CBLN2: variants seen among roughly 807,000 people sequenced by gnomAD.
CBLN2 encodes the protein cerebellin 2 precursor, also known as cerebellin-2.
CBLN2 carries 7 observed loss-of-function variants against 15.0 expected under a neutral mutation model. That is an observed-to-expected ratio of 0.47 (90% confidence interval 0.27 to 0.88). The LOEUF is 0.88. Ranked by LOEUF, CBLN2 falls within the 40% of genes least tolerant of loss-of-function variation. The pLI is 0.14. For synonymous variants in CBLN2, 149 were observed against 135.2 expected, an observed-to-expected ratio of 1.10 and a Z score of -0.71; for missense variants, 242 against 304.5, an observed-to-expected ratio of 0.79 and a Z score of 1.53.
chr18:72,561,622 G>T (rs2069262186), intron 1 of CBLN2, among the ~76,000 whole-genome samples: 1 of 152,138 alleles, frequency 6.6e-6, no homozygotes, highest in Non-Finnish European at 1.5e-5. Flanking sequence ...TTTGCAATTG[G>T]CAAGCTTCAG....
chr18:72,595,040 C>G (rs146958532), intron 1 of CBLN2, among the ~76,000 whole-genome samples: 92 of 150,060 alleles, frequency 6.1e-4, no homozygotes, highest in Non-Finnish European at 3.9e-4. Flanking sequence ...GATTTCTGCT[C>G]TGATCTTTAT....
intron 1 of CBLN2, among the ~76,000 whole-genome samples, chr18:72,615,042 TATATATATATATATAA>T (rs1260649066): frequency 2.2e-5 from 3 of 138,516 alleles, no homozygotes; most frequent in East Asian, 4.0e-4. Context: ...AGTACATATA[TATATATATATATATAA>T]ATATATATAT....
At chr18:72,631,074 T>C (rs973128311) in intron 1 of CBLN2, 12 of 152,184 alleles carry the variant, frequency 7.9e-5, no homozygotes, top group Admixed American at 7.2e-4. Flanking sequence ...CACTTTGCTG[T>C]GGAGGACCTC....
intron 1 of CBLN2, among the ~76,000 whole-genome samples, chr18:72,579,479 TC>T (rs1215768614): frequency 1.3e-5 from 2 of 152,152 alleles, no homozygotes; most frequent in Non-Finnish European, 2.9e-5. Context: ...ACGCCTGTAA[TC>T]CCAGCACTTT....
At chr18:72,586,671 C>A (rs1342482527) in intron 1 of CBLN2, among the ~76,000 whole-genome samples, 5 of 152,152 alleles carry the variant, frequency 3.3e-5, no homozygotes, top group Non-Finnish European at 7.3e-5. Context: ...TTTGTACTCA[C>A]ACAGTACGTT....
intron 1 of CBLN2, among the ~76,000 whole-genome samples, chr18:72,613,604 G>A (rs967850463): frequency 6.6e-6 from 1 of 152,120 alleles, no homozygotes; most frequent in African/African-American, 2.4e-5. Flanking sequence ...GAACAATGCT[G>A]GGGTCAGAAG....
chr18:72,622,375 T>C (rs1011136781), intron 1 of CBLN2, among the ~76,000 whole-genome samples: 3 of 151,756 alleles, frequency 2.0e-5, no homozygotes, highest in Non-Finnish European at 2.9e-5. Flanking sequence ...TAAGCTAAGG[T>C]TGACTTTCTG....
intron 1 of CBLN2, among the ~76,000 whole-genome samples, chr18:72,578,277 T>G (rs1392393890): frequency 1.3e-5 from 2 of 152,090 alleles, no homozygotes; most frequent in Admixed American, 6.5e-5. Context: ...AGTGATCAAT[T>G]TACTGTTTAA....
chr18:72,539,789 A>T (rs943314628), intron 3 of CBLN2: 2 of 152,144 alleles, frequency 1.3e-5, no homozygotes, highest in Non-Finnish European at 2.9e-5. Context: ...ATAAATGCAC[A>T]ACTGCTTTAT....
chr18:72,567,480 T>C (rs944058719), intron 1 of CBLN2, among the ~76,000 whole-genome samples: 2 of 152,134 alleles, frequency 1.3e-5, no homozygotes, highest in African/African-American at 4.8e-5. Flanking sequence ...TTATCTGAGT[T>C]TTCTCTCTCA....
At chr18:72,619,164 C>G in intron 1 of CBLN2, 2 of 763,632 alleles carry the variant, frequency 2.6e-6, no homozygotes, top group Admixed American at 3.5e-5. Flanking sequence ...ACCACAAAAC[C>G]AAGGTGGCTG....
At chr18:72,565,401 A>G (rs944030949) in intron 1 of CBLN2, among the ~76,000 whole-genome samples, 4 of 152,154 alleles carry the variant, frequency 2.6e-5, no homozygotes, top group Admixed American at 2.6e-4. Context: ...TAAAAATCAG[A>G]TTTCTAGTAT....
In CBLN2 at chr18:72,541,920, A is replaced by G; in HGVS notation, c.241T>C (p.Ser81Pro). 6.2e-7 allele frequency: 1 copy of G among 1,608,488 alleles called. No homozygotes were observed. Among genetic ancestry groups the G allele is most frequent in the Non-Finnish European group, 8.5e-7 (1 of 1,179,474 alleles). Residue 81 changes from serine (S) to proline (P), a missense_variant, in exon 3 of 5, where the codon TCC (serine) becomes CCC (proline). Physicochemically the swap from Ser to Pro is moderately conservative, Grantham distance 74. Transcript: ENST00000269503. ...SPSADGAVTS[S>P]LGISVRSGSA... ...CCGGAGCGCACGGAGATGCCTAGGG[A>G]GGAGGTGACGGCGCCGTCCGCCGAC... is the stretch of plus-strand genomic sequence containing the variant.
At chr18:72,597,880 G>A (rs2069523354) in intron 1 of CBLN2, among the ~76,000 whole-genome samples, 1 of 152,200 alleles carries the variant, frequency 6.6e-6, no homozygotes, top group African/African-American at 2.4e-5. Flanking sequence ...CAAGGCAGAA[G>A]GGCTCTTTAG....
At chr18:72,568,559 T>TA (rs1364877947) in intron 1 of CBLN2, among the ~76,000 whole-genome samples, 1 of 151,436 alleles carries the variant, frequency 6.6e-6, no homozygotes, top group Non-Finnish European at 1.5e-5. Flanking sequence ...TTACATAAAC[T>TA]AAAAAAACTA....
At chr18:72,621,901 CT>C (rs1375119847) in intron 1 of CBLN2, among the ~76,000 whole-genome samples, 1 of 152,122 alleles carries the variant, frequency 6.6e-6, no homozygotes, top group Non-Finnish European at 1.5e-5. Flanking sequence ...GAGAAAACAG[CT>C]GAGAAACCGA....
intron 1 of CBLN2, among the ~76,000 whole-genome samples, chr18:72,579,403 A>C (rs991844555): frequency 1.3e-5 from 2 of 152,160 alleles, no homozygotes; most frequent in African/African-American, 4.8e-5. Flanking sequence ...GCAATTTCCA[A>C]TTTCAAAAAC....
upstream of CBLN2, among the ~76,000 whole-genome samples, chr18:72,547,566 A>G (rs1232429853): frequency 6.6e-6 from 1 of 152,074 alleles, no homozygotes; most frequent in African/African-American, 2.4e-5. Flanking sequence ...CTTTTAATGT[A>G]ATTGTATAGC....
chr18:72,579,599 G>A (rs999049415), intron 1 of CBLN2, among the ~76,000 whole-genome samples: 1 of 152,058 alleles, frequency 6.6e-6, no homozygotes, highest in African/African-American at 2.4e-5. Flanking sequence ...GGGTGTGGCT[G>A]TTGGCACCTG....
Sources: gnomAD v4.1 joint callset for allele counts (sites outside exome capture counted in the v4.1 genomes callset) on GRCh38, gnomAD v4.1.1 for gene constraint, MANE v1.5 for transcripts, NCBI Gene and HGNC (gene_info 2026-07-23, HGNC 2026-07-21) for gene names.